The following XKR3 variants were observed in gnomAD, a reference collection of about 807,000 sequenced individuals.
The protein encoded by XKR3 is XK related 3.
In XKR3, 27 loss-of-function variants were observed where a neutral mutation model predicts 40.3. That is an observed-to-expected ratio of 0.67 (90% CI 0.49 to 0.92). The LOEUF (loss-of-function observed/expected upper bound fraction) is 0.92. Ranked by LOEUF, XKR3 falls within the 40% of genes least tolerant of loss-of-function variation. The pLI, the probability that XKR3 is intolerant of heterozygous loss-of-function variation, is 0.00. For synonymous variants in XKR3, 193 were observed against 195.4 expected, an observed-to-expected ratio of 0.99 and a Z score of 0.10; for missense variants, 472 against 537.6, an observed-to-expected ratio of 0.88 and a Z score of 1.21.
Position 16,825,142 on chromosome 22 carries a change from A to T in XKR3, c.-11+149T>A, listed in dbSNP as rs569715256. On this transcript the variant is annotated intron_variant, in intron 1 of 3. Coordinates refer to ENST00000684488, the MANE Select transcript of XKR3 (RefSeq NM_001386955.1). ...CTGCTTCTCTTCTCTGAAAATCAGA[A>T]TCAAGAGAGGGAGTTTCTAGGCTCA... Among the ~76,000 whole-genome samples, 4 of 152,262 alleles carry T rather than the reference A, an allele frequency of 2.6e-5. No individual in the cohort carries two copies. In the South Asian group the frequency reaches 8.3e-4, roughly 32 times the overall value.
chr22:16,793,307 T>C (rs2097219934), intron 3 of XKR3, among the ~76,000 whole-genome samples: 1 of 152,238 alleles, frequency 6.6e-6, no homozygotes, highest in South Asian at 2.1e-4. Context: ...CCACTGCCCC[T>C]GGCCCTCGTG....
At chr22:16,803,477 C>T (rs1377483843) in intron 2 of XKR3, among the ~76,000 whole-genome samples, 1 of 152,186 alleles carries the variant, frequency 6.6e-6, no homozygotes. Context: ...CACTGGGCTG[C>T]ATTCCCAGAT....
intron 1 of XKR3, among the ~76,000 whole-genome samples, chr22:16,818,275 C>T (rs1444448028): frequency 6.6e-6 from 1 of 152,060 alleles, no homozygotes; most frequent in Non-Finnish European, 1.5e-5. Flanking sequence ...CCCAGTGTTT[C>T]CTCTGAACAA....
intron 1 of XKR3, among the ~76,000 whole-genome samples, chr22:16,812,456 C>A (rs111256061): frequency 0.059 from 8,998 of 152,128 alleles, 788 homozygotes; most frequent in African/African-American, 0.2. Flanking sequence ...GCAGGCAGAT[C>A]ACGAGGTCTG....
At chr22:16,818,010 A>T (rs376160470) in intron 1 of XKR3, among the ~76,000 whole-genome samples, 1 of 152,116 alleles carries the variant, frequency 6.6e-6, no homozygotes, top group East Asian at 1.9e-4. Flanking sequence ...CAGGTATTTC[A>T]TCTGTTCTTC....
intron 1 of XKR3, among the ~76,000 whole-genome samples, chr22:16,811,627 C>T (rs2060212947): frequency 6.6e-6 from 1 of 152,102 alleles, no homozygotes; most frequent in Admixed American, 6.6e-5. Flanking sequence ...AAGTTATATT[C>T]TTCACGTGTA....
intron 3 of XKR3, among the ~76,000 whole-genome samples, chr22:16,792,732 A>G (rs1389349983): frequency 1.3e-5 from 2 of 152,226 alleles, no homozygotes; most frequent in Non-Finnish European, 2.9e-5. Context: ...ATGTCAAATG[A>G]CATCTTTGTA....
chr22:16,805,077 T>C (rs1475179804), intron 2 of XKR3, among the ~76,000 whole-genome samples: 1 of 152,024 alleles, frequency 6.6e-6, no homozygotes, highest in Non-Finnish European at 1.5e-5. Flanking sequence ...CTAACCAAAA[T>C]AATTAGTTGT....
rs199810420 is a variant in XKR3, at chr22:16,793,760, T to C, written c.589+6011A>G. 5.0e-3 allele frequency among the ~76,000 whole-genome samples: 754 copies of C among 152,252 alleles called. 6 individuals carry two copies. The highest frequency in any genetic ancestry group is 0.017 in the African/African-American group (715 of 41,534). ...GGTCTCTTTCAACATTTACTGCAAG[T>C]TACTAAAATTTCAAATCAACCCAAG... On this transcript the variant is annotated intron_variant, in intron 3 of 3. Transcript: ENST00000684488.
intron 1 of XKR3, among the ~76,000 whole-genome samples, chr22:16,822,588 A>G (rs1347088500): frequency 2.0e-5 from 3 of 152,146 alleles, no homozygotes; most frequent in Admixed American, 2.0e-4. Flanking sequence ...ACTTGACATA[A>G]AGACACAATT....
At chr22:16,788,397 A>G (rs2060099975) in intron 3 of XKR3, among the ~76,000 whole-genome samples, 1 of 152,136 alleles carries the variant, frequency 6.6e-6, no homozygotes, top group Admixed American at 6.5e-5. Flanking sequence ...CAAAAGTAAA[A>G]AAAGTCACTA....
At chr22:16,807,500 A>G (rs973251812) in intron 2 of XKR3, among the ~76,000 whole-genome samples, 1 of 152,248 alleles carries the variant, frequency 6.6e-6, no homozygotes, top group South Asian at 2.1e-4. Flanking sequence ...CAACACATAC[A>G]TAGAAAGAAG....
In XKR3 at chr22:16,814,965, CT is replaced by C. The variant is rs535715401; in HGVS notation, c.-10-6883del. 7.3e-4 allele frequency among the ~76,000 whole-genome samples: 111 copies of C among 151,678 alleles called. No homozygotes were observed. In the East Asian group the frequency reaches 0.019, roughly 26 times the overall value. On this transcript the variant is annotated intron_variant, in intron 1 of 3. Transcript: ENST00000684488. The stretch of plus-strand genomic sequence containing the variant: ...TTTTAATTTTCTTGCCCAATTGCCC[CT>C]CATCAAAATCAAACTCCCAGTAAAA...
chr22:16,801,044 C>T (rs2060166668), intron 2 of XKR3, among the ~76,000 whole-genome samples: 1 of 151,960 alleles, frequency 6.6e-6, no homozygotes, highest in Non-Finnish European at 1.5e-5. Flanking sequence ...GAGAAAGGAG[C>T]ATCTAATATA....
chr22:16,796,168 G>A (rs1261981373), intron 3 of XKR3, among the ~76,000 whole-genome samples: 1 of 152,026 alleles, frequency 6.6e-6, no homozygotes, highest in African/African-American at 2.4e-5. Context: ...GATTGAAACT[G>A]AATAGGCCAA....
chr22:16,788,468 G>T (rs2060100405), intron 3 of XKR3, among the ~76,000 whole-genome samples: 1 of 151,776 alleles, frequency 6.6e-6, no homozygotes, highest in African/African-American at 2.4e-5. Flanking sequence ...ACAAATTAAT[G>T]GTAAGAAATC....
rs367546839 is a variant in XKR3, at chr22:16,789,502, A to T, written c.590-5093T>A. 3.3e-5 allele frequency among the ~76,000 whole-genome samples: 5 copies of T among 152,322 alleles called. No homozygotes were observed. The East Asian group carries it at 9.6e-4, about 29-fold the overall frequency. On this transcript the variant is annotated intron_variant, in intron 3 of 3. Coordinates refer to ENST00000684488, the MANE Select transcript of XKR3 (RefSeq NM_001386955.1). ...AATAATCTGCATTCTGAAAATTATG[A>T]AGTATTAATAAAAAATTAAAATAAC...
chr22:16,808,156 A>T lies in XKR3; in HGVS notation c.-10-73T>A. 4 of 1,099,208 alleles carry T rather than the reference A, an allele frequency of 3.6e-6. No homozygotes were observed. In the South Asian group the frequency reaches 7.2e-5, roughly 20 times the overall value. 68.1% of individuals were successfully genotyped at this position (1,099,208 alleles called of 1,614,324 possible). ...TTAAATTTAAACAGAAGTAAACAAG[A>T]TTCTCTATAATTCACTATTCATAGA... is the stretch of plus-strand genomic sequence containing the variant. On this transcript the variant is annotated intron_variant, in intron 1 of 3. Coordinates refer to ENST00000684488, the MANE Select transcript of XKR3 (RefSeq NM_001386955.1).
At chr22:16,806,435 T>C (rs2060189825) in intron 2 of XKR3, among the ~76,000 whole-genome samples, 1 of 151,428 alleles carries the variant, frequency 6.6e-6, no homozygotes, top group Non-Finnish European at 1.5e-5. Flanking sequence ...CATTTTATAA[T>C]GCAGATCACA....
Sources: gnomAD v4.1 joint callset for allele counts (sites outside exome capture counted in the v4.1 genomes callset) on GRCh38, gnomAD v4.1.1 for gene constraint, MANE v1.5 for transcripts, NCBI Gene and HGNC (gene_info 2026-07-23, HGNC 2026-07-21) for gene names.